Variants in NAALADL2 observed in about 807,000 individuals in gnomAD.
NAALADL2 encodes N-acetylated alpha-linked acidic dipeptidase like 2.
In NAALADL2, 76 loss-of-function variants were observed where a neutral mutation model predicts 87.2. The ratio of observed to expected loss-of-function variants is 0.87; its 90% CI spans 0.72 to 1.05. The LOEUF (loss-of-function observed/expected upper bound fraction) is 1.05. Among genes scored for constraint, NAALADL2 ranks in the 50% least tolerant of loss-of-function variants. The pLI, the probability that NAALADL2 is intolerant of heterozygous loss-of-function variation, is 0.00. For missense variants in NAALADL2, 1,089 were observed against 945.8 expected (o/e 1.15, Z -1.99); for synonymous variants, 354 against 331.0 (o/e 1.07, Z -0.75).
At chr3:174,886,499 A>G (rs1362005221) in intron 1 of NAALADL2, among the ~76,000 whole-genome samples, 1 of 152,124 alleles carries the variant, frequency 6.6e-6, no homozygotes, top group Admixed American at 6.5e-5. Flanking sequence ...AATCAAGTTG[A>G]CACTCAGTAT....
At chr3:175,619,155 A>G (rs1276142207) in intron 10 of NAALADL2, among the ~76,000 whole-genome samples, 1 of 151,992 alleles carries the variant, frequency 6.6e-6, no homozygotes, top group East Asian at 1.9e-4. Context: ...TTGCTTCCCT[A>G]TCACAAGCAG....
chr3:175,756,018 G>A (rs1747221121), intron 13 of NAALADL2, among the ~76,000 whole-genome samples: 1 of 152,118 alleles, frequency 6.6e-6, no homozygotes, highest in Admixed American at 6.6e-5. Flanking sequence ...TGTTTTTGAA[G>A]TTCCTTATAT....
rs547753561 is a variant in NAALADL2 at position 175,050,931 on chromosome 3, TA to T, written c.44-45851del. ...AACTAGGGTTGTTTTACTTGAAGAA[TA>T]AAAAAAATAATAGAGGCATAAGAGC... On this transcript the variant is annotated intron_variant, in intron 1 of 13. Transcript: ENST00000454872. Among the ~76,000 whole-genome samples, 101 of 151,854 alleles carry T rather than the reference TA, an allele frequency of 6.7e-4. 1 individual carries two copies. The highest frequency in any genetic ancestry group is 2.1e-3 in the African/African-American group (87 of 41,388).
At chr3:174,527,537 A>G (rs1195879087) in intron 1 of NAALADL2, among the ~76,000 whole-genome samples, 1 of 151,946 alleles carries the variant, frequency 6.6e-6, no homozygotes, top group African/African-American at 2.4e-5. Flanking sequence ...AAAAAAAAGA[A>G]AGTCTTTTAT....
chr3:174,721,639 A>G (rs1179299506), intron 2 of NAALADL2, among the ~76,000 whole-genome samples: 1 of 152,204 alleles, frequency 6.6e-6, no homozygotes, highest in African/African-American at 2.4e-5. Flanking sequence ...CACTGAAACA[A>G]CTATGTAAGC....
intron 3 of NAALADL2, among the ~76,000 whole-genome samples, chr3:174,853,376 CAAA>C (rs55826352): frequency 2.4e-5 from 2 of 82,548 alleles, no homozygotes; most frequent in Non-Finnish European, 4.7e-5. Context: ...GACTCAATCT[CAAA>C]AAAAAAAAAA....
At chr3:175,525,087 T>G (rs1485073240) in intron 9 of NAALADL2, among the ~76,000 whole-genome samples, 1 of 151,958 alleles carries the variant, frequency 6.6e-6, no homozygotes, top group Admixed American at 6.6e-5. Context: ...AAGTGATATA[T>G]GTGTATTGTT....
intron 1 of NAALADL2, among the ~76,000 whole-genome samples, chr3:174,889,244 G>A (rs1369245580): frequency 6.6e-6 from 1 of 152,034 alleles, no homozygotes; most frequent in Admixed American, 6.6e-5. Context: ...CCTTTACTTT[G>A]AGTTTTCATT....
intron 5 of NAALADL2, among the ~76,000 whole-genome samples, chr3:175,379,127 T>C (rs999334250): frequency 1.3e-5 from 2 of 152,040 alleles, no homozygotes; most frequent in African/African-American, 2.4e-5. Context: ...GTCCCCAAAT[T>C]TTGGACCCAC....
At chr3:174,657,331 A>G (rs1192523786) in intron 2 of NAALADL2, among the ~76,000 whole-genome samples, 1 of 151,916 alleles carries the variant, frequency 6.6e-6, no homozygotes, top group Non-Finnish European at 1.5e-5. Flanking sequence ...TAATTTTTGT[A>G]GTTTTAGTAG....
intron 1 of NAALADL2, among the ~76,000 whole-genome samples, chr3:175,007,892 T>G (rs1293819350): frequency 6.6e-6 from 1 of 152,128 alleles, no homozygotes. Flanking sequence ...AAATAAAGAT[T>G]ACTTGAACTC....
chr3:174,512,287 G>T (rs1719652043), intron 1 of NAALADL2, among the ~76,000 whole-genome samples: 1 of 152,080 alleles, frequency 6.6e-6, no homozygotes, highest in South Asian at 2.1e-4. Context: ...CATTGTCTTT[G>T]ATAGTTTCTG....
chr3:174,933,690 G>T (rs1231072517), intron 1 of NAALADL2, among the ~76,000 whole-genome samples: 1 of 152,250 alleles, frequency 6.6e-6, no homozygotes, highest in East Asian at 1.9e-4. Flanking sequence ...GTATGAGCTA[G>T]AATAACTGAT....
intron 1 of NAALADL2, among the ~76,000 whole-genome samples, chr3:174,944,650 G>T (rs1223619542): frequency 6.6e-6 from 1 of 152,144 alleles, no homozygotes; most frequent in Non-Finnish European, 1.5e-5. Context: ...AGGAAGCTCA[G>T]GTATCTAAGG....
At chr3:175,021,944 G>C (rs4343634) in intron 1 of NAALADL2, among the ~76,000 whole-genome samples, 1 of 151,948 alleles carries the variant, frequency 6.6e-6, no homozygotes, top group African/African-American at 2.4e-5. Flanking sequence ...AGGTGTTTAG[G>C]TCATGGGACT....
chr3:174,542,634 A>T (rs975095860), intron 1 of NAALADL2, among the ~76,000 whole-genome samples: 10 of 152,178 alleles, frequency 6.6e-5, no homozygotes, highest in African/African-American at 2.4e-4. Flanking sequence ...GGTGCTTTTG[A>T]TAGTCAACCA....
intron 5 of NAALADL2, among the ~76,000 whole-genome samples, chr3:175,413,760 C>T (rs188671848): frequency 1.2e-3 from 177 of 151,122 alleles, no homozygotes; most frequent in African/African-American, 4.0e-3. Flanking sequence ...GTTTTTAAAT[C>T]GATTTAAAAC....
At position 174,987,872 on chromosome 3, in the gene NAALADL2, A is replaced by C. The variant is rs140348479; in HGVS notation, c.44-108918A>C. On this transcript the variant is annotated intron_variant, in intron 1 of 13. Transcript: ENST00000454872. ...AAGGTCCTAAAGACAAGGTCTCTTT[A>C]GGTTGCCCAGGCTTGTCTTGAACTC... Among the ~76,000 whole-genome samples the C allele has an allele frequency of 3.4e-3, 501 of 148,278 alleles. 2 individuals carry two copies. Among genetic ancestry groups the C allele is most frequent in the African/African-American group, 0.012 (474 of 39,170 alleles).
chr3:175,755,268 G>A lies in NAALADL2; in HGVS notation c.2039G>A (p.Arg680Gln), dbSNP rs201770599. The A allele has an allele frequency of 3.0e-4, 487 of 1,613,462 alleles. 3 individuals are homozygous for A. The South Asian group carries it at 4.8e-3, about 16-fold the overall frequency. The change falls in exon 13 of 14, where the codon CGG becomes CAG. Residue 680 changes from arginine to glutamine, a missense_variant. Transcript: ENST00000454872. ...HQLLAMALRL[R>Q]ESAELFQSDE... Reference sequence around the variant, plus strand: ...CTGTTAGCCATGGCGTTACGCCTGCGGGAGAGTGCTGAACTTTTTCAGTCT... The same window carrying A: ...CTGTTAGCCATGGCGTTACGCCTGCAGGAGAGTGCTGAACTTTTTCAGTCT...
Sources: allele counts gnomAD v4.1 joint callset (sites outside exome capture counted in the v4.1 genomes callset), GRCh38; gene constraint gnomAD v4.1.1; transcripts MANE v1.5; gene names NCBI Gene and HGNC (gene_info 2026-07-23, HGNC 2026-07-21).